The following SEC24A variants were observed in gnomAD, a reference collection of about 807,000 sequenced individuals.
SEC24A encodes SEC24 homolog A, COPII component.
In SEC24A, 93 loss-of-function variants were observed where a neutral mutation model predicts 129.4. The observed-to-expected ratio is 0.72, with a 90% CI of 0.61 to 0.85. The LOEUF is 0.85. Among genes scored for constraint, SEC24A ranks in the 40% least tolerant of loss-of-function variants. SEC24A has a pLI of 0.00. For synonymous variants in SEC24A, 460 were observed against 467.3 expected (o/e 0.98, Z 0.20); for missense variants, 1,264 against 1,307.4 (o/e 0.97, Z 0.51).
intron 18 of SEC24A, among the ~76,000 whole-genome samples, chr5:134,711,873 A>T (rs998271688): frequency 6.6e-6 from 1 of 150,750 alleles, no homozygotes; most frequent in African/African-American, 2.4e-5. Flanking sequence ...TCAGCCTCCC[A>T]AGTAGCTGGG....
rs906762330 is a variant in SEC24A, at chr5:134,661,413, A to T, written c.392A>T (p.Asn131Ile). The stretch of plus-strand genomic sequence containing the variant: ...TCTAGTAGCTTTCTTCCTGAAGCCA[A>T]CCTGCCACCACCTTTGAATTGGCAA... ...MPSSSFLPEANLPPPLNWQYN... is the reference protein window; with the variant it reads ...MPSSSFLPEAILPPPLNWQYN... Residue 131 changes from asparagine (N) to isoleucine (I), a missense_variant, in exon 2 of 23, where the codon AAC becomes ATC. Physicochemically the swap from Asn to Ile is moderately radical, Grantham distance 149. Coordinates refer to ENST00000398844, the MANE Select transcript of SEC24A (RefSeq NM_021982.3). 4 of 1,614,072 alleles carry T rather than the reference A, an allele frequency of 2.5e-6. No individual in the cohort carries two copies. The African/African-American group carries it at 4.0e-5, about 16-fold the overall frequency.
At chr5:134,673,857 G>A (rs532913227) in intron 4 of SEC24A, among the ~76,000 whole-genome samples, 9 of 152,148 alleles carry the variant, frequency 5.9e-5, no homozygotes, top group East Asian at 5.8e-4. Flanking sequence ...ATTTTTGGCC[G>A]GGCACGGTGG....
chr5:134,713,016 C>A lies in SEC24A; in HGVS notation c.2728-2008C>A, dbSNP rs1752375455. Among the ~76,000 whole-genome samples, 4 of 147,856 alleles carry A rather than the reference C, an allele frequency of 2.7e-5. No individual in the cohort carries two copies. In the South Asian group the frequency reaches 8.5e-4, roughly 31 times the overall value. On this transcript the variant is annotated intron_variant, in intron 18 of 22. Transcript: ENST00000398844. ...GCGCAGTCTCGGCTCACTGCAAGCT[C>A]CGCCTCCCGGGTTCACGCCATTCTC...
chr5:134,707,438 G>T (rs1262793959), intron 17 of SEC24A, among the ~76,000 whole-genome samples: 1 of 150,862 alleles, frequency 6.6e-6, no homozygotes, highest in African/African-American at 2.4e-5. Flanking sequence ...CACGCCATTC[G>T]CCTGCCTCAG....
chr5:134,655,621 TCATGA>T (rs1339099459), intron 1 of SEC24A, among the ~76,000 whole-genome samples: 1 of 152,042 alleles, frequency 6.6e-6, no homozygotes. Flanking sequence ...TGAGCCGAGA[TCATGA>T]CATTGCACTG....
intron 19 of SEC24A, chr5:134,715,414 C>A: frequency 5.7e-6 from 2 of 348,450 alleles, no homozygotes; most frequent in Non-Finnish European, 5.1e-6. Context: ...TTGACCAGAG[C>A]AACTTACTAA....
chr5:134,693,560 T>C, intron 12 of SEC24A, 167 bp from the exon 13 acceptor site: 1 of 1,431,722 alleles, frequency 7.0e-7, no homozygotes, highest in South Asian at 1.5e-5. Flanking sequence ...TTTATAATGT[T>C]GACTTAAAAT....
upstream of SEC24A, chr5:134,648,383 G>A (rs970416359): frequency 6.6e-6 from 1 of 152,248 alleles, no homozygotes; most frequent in African/African-American, 2.4e-5. Flanking sequence ...AACCGCCCCA[G>A]CTCCCAGTGG....
intron 7 of SEC24A, among the ~76,000 whole-genome samples, chr5:134,679,362 A>AT (rs370231888): frequency 1.0e-3 from 152 of 149,296 alleles, no homozygotes; most frequent in Middle Eastern, 3.4e-3. Flanking sequence ...CCAGCCAATA[A>AT]TTTTTTTTTT....
At chr5:134,654,749 C>T (rs923119368) in intron 1 of SEC24A, among the ~76,000 whole-genome samples, 2 of 152,158 alleles carry the variant, frequency 1.3e-5, no homozygotes, top group Non-Finnish European at 2.9e-5. Flanking sequence ...AATGGTCTCA[C>T]TTTGTCCCCC....
At chr5:134,688,491 A>G (rs1207884393) in intron 11 of SEC24A, among the ~76,000 whole-genome samples, 192 bp downstream of exon 11, 1 of 152,138 alleles carries the variant, frequency 6.6e-6, no homozygotes, top group African/African-American at 2.4e-5. Flanking sequence ...GGTTATGGAG[A>G]CAACCCGCTG....
intron 9 of SEC24A, among the ~76,000 whole-genome samples, chr5:134,686,179 C>T (rs916901825): frequency 3.3e-5 from 5 of 151,772 alleles, no homozygotes; most frequent in Non-Finnish European, 5.9e-5. Context: ...AAACTAAACA[C>T]TTTTGTTAGT....
chr5:134,705,436 G>A lies in SEC24A; in HGVS notation c.2550G>A (p.Met850Ile), dbSNP rs752066880. Residue 850 changes from methionine to isoleucine, a missense_variant and splice_region_variant, in exon 17 of 23, where the codon ATG becomes ATA. Met to Ile is a conservative substitution (Grantham distance 10). Transcript: ENST00000398844. Reference protein sequence around the residue: ...VQAISGLLANMAVDRSMTASL... With the variant: ...VQAISGLLANIAVDRSMTASL... ...CAATTTCAGGGTTATTGGCCAATAT[G>A]GGTAAGAGTTGTTATCTGTTATAAA... 6.3e-7 allele frequency: 1 copy of A among 1,576,796 alleles called. No homozygotes were observed. Among genetic ancestry groups the A allele is most frequent in the South Asian group, 1.1e-5 (1 of 89,672 alleles).
In SEC24A at chr5:134,693,769, A is replaced by G; in HGVS notation, c.1822A>G (p.Lys608Glu). ...GAAAACTTTGCCACAAATGTTTACCAAGACTCTGGAGACCCAGAGTGCCTT... is the reference window on the plus strand; with the variant it reads ...GAAAACTTTGCCACAAATGTTTACCGAGACTCTGGAGACCCAGAGTGCCTT... ...LLKTLPQMFT[K>E]TLETQSALGP... Residue 608 changes from lysine (K) to glutamate (E), a missense_variant, in exon 13 of 23, where the codon AAG becomes GAG. By Grantham distance (56) the Lys-to-Glu change is moderately conservative. Transcript: ENST00000398844. 1.2e-6 allele frequency: 2 copies of G among 1,614,178 alleles called. No homozygotes were observed. Among genetic ancestry groups the G allele is most frequent in the Non-Finnish European group, 1.7e-6 (2 of 1,180,022 alleles).
intron 15 of SEC24A, among the ~76,000 whole-genome samples, chr5:134,699,970 GGATTACAGGTAT>G (rs1219142218): frequency 6.6e-6 from 1 of 151,526 alleles, no homozygotes; most frequent in African/African-American, 2.4e-5. Context: ...CTAAATGCTG[GGATTACAGGTAT>G]GAGCCACCGC....
At chr5:134,702,920 A>G (rs1752044925) in intron 15 of SEC24A, among the ~76,000 whole-genome samples, 1 of 151,876 alleles carries the variant, frequency 6.6e-6, no homozygotes. Context: ...GTGTGCCACC[A>G]TGCCCGGCTA....
rs375715281 is a variant in SEC24A, at chr5:134,661,317, C to T, written c.296C>T (p.Ser99Leu). 32 of 1,614,038 alleles carry T rather than the reference C, an allele frequency of 2.0e-5. No homozygotes were observed. The East Asian group carries it at 4.0e-4, about 20-fold the overall frequency. Residue 99 changes from serine (S) to leucine (L), a missense_variant, in exon 2 of 23, where the codon TCG becomes TTG. Physicochemically the swap from Ser to Leu is moderately radical, Grantham distance 145 (BLOSUM62 -2). Transcript: ENST00000398844. ...PPVASNPVTP[S>L]LHSGPAPRMP... ...GTGGCCTCTAATCCAGTGACACCTT[C>T]GCTTCATAGTGGTCCTGCTCCCCGA... is the stretch of plus-strand genomic sequence containing the variant.
At chr5:134,674,573 T>C (rs1365491051) in intron 4 of SEC24A, 42 bp from the exon 5 acceptor site, 1 of 1,562,908 alleles carries the variant, frequency 6.4e-7, no homozygotes, top group South Asian at 1.2e-5. Context: ...AATCAAGTAT[T>C]CTGGAGTATA....
intron 8 of SEC24A, among the ~76,000 whole-genome samples, chr5:134,680,054 C>G (rs1751212086): frequency 1.3e-5 from 2 of 152,086 alleles, no homozygotes; most frequent in South Asian, 4.1e-4. Flanking sequence ...TTGTCCCACG[C>G]CTTTTCTCTA....
Sources: gnomAD v4.1 joint callset for allele counts (sites outside exome capture counted in the v4.1 genomes callset) on GRCh38, gnomAD v4.1.1 for gene constraint, MANE v1.5 for transcripts, NCBI Gene and HGNC (gene_info 2026-07-23, HGNC 2026-07-21) for gene names.